HFM1: variants seen among roughly 807,000 people sequenced by gnomAD.
HFM1 encodes the protein helicase for meiosis 1.
HFM1 carries 169 observed loss-of-function variants against 192.1 expected under a neutral mutation model. The ratio of observed to expected loss-of-function variants is 0.88; its 90% CI spans 0.78 to 1.00. The LOEUF is 1.00. Ranked by LOEUF, HFM1 falls within the 50% of genes least tolerant of loss-of-function variation. HFM1 has a pLI of 0.00. For synonymous variants in HFM1, 525 were observed against 537.8 expected (o/e 0.98, Z 0.33); for missense variants, 1,661 against 1,668.0 (o/e 1.00, Z 0.07).
At chr1:91,404,100 AAAG>A (rs1475287998) in intron 1 of HFM1, among the ~76,000 whole-genome samples, 1 of 152,234 alleles carries the variant, frequency 6.6e-6, no homozygotes, top group Non-Finnish European at 1.5e-5. Context: ...AGAATCTGAC[AAAG>A]AAGGAAAAAT....
chr1:91,357,555 A>T (rs1027563043), intron 13 of HFM1, among the ~76,000 whole-genome samples: 3 of 152,222 alleles, frequency 2.0e-5, no homozygotes, highest in Non-Finnish European at 2.9e-5. Flanking sequence ...CAAGGCAGGG[A>T]TGCCCACTCT....
chr1:91,286,891 G>A (rs1226193507), intron 30 of HFM1, among the ~76,000 whole-genome samples: 1 of 152,226 alleles, frequency 6.6e-6, no homozygotes, highest in Non-Finnish European at 1.5e-5. Flanking sequence ...GTCAAAGAAA[G>A]GGGTGACAGA....
chr1:91,264,359 GTATTTT>G (rs1665478081), intron 36 of HFM1, among the ~76,000 whole-genome samples: 4 of 54,042 alleles, frequency 7.4e-5, no homozygotes, highest in African/African-American at 2.4e-4. Context: ...CACAAATTTA[GTATTTT>G]TTTTTTTTTT....
chr1:91,326,728 C>G (rs1301015133), intron 20 of HFM1, among the ~76,000 whole-genome samples: 1 of 152,122 alleles, frequency 6.6e-6, no homozygotes. Context: ...AATATTATAA[C>G]ACTGTAATTG....
At chr1:91,393,047 C>T (rs547144661) in intron 4 of HFM1, among the ~76,000 whole-genome samples, 53 of 151,958 alleles carry the variant, frequency 3.5e-4, no homozygotes, top group Non-Finnish European at 5.7e-4. Flanking sequence ...TGGGTAAATA[C>T]ATAAGAATGA....
intron 30 of HFM1, among the ~76,000 whole-genome samples, chr1:91,290,109 A>C (rs1209313699): frequency 2.0e-5 from 3 of 152,180 alleles, no homozygotes; most frequent in Non-Finnish European, 4.4e-5. Flanking sequence ...CAAAATGTAA[A>C]GACCATCGAG....
intron 30 of HFM1, among the ~76,000 whole-genome samples, chr1:91,309,721 G>T (rs1650160805): frequency 6.6e-6 from 1 of 152,092 alleles, no homozygotes; most frequent in South Asian, 2.1e-4. Context: ...AAGTTTCTCA[G>T]CATGATAGAA....
At chr1:91,313,870 TG>T (rs1231903030) in intron 29 of HFM1, 86 bp downstream of exon 29, 2 of 683,304 alleles carry the variant, frequency 2.9e-6, no homozygotes, top group African/African-American at 3.7e-5. Flanking sequence ...CCATTTATAC[TG>T]TTTTTCTGTA....
At chr1:91,283,338 G>A (rs922017885) in intron 30 of HFM1, among the ~76,000 whole-genome samples, 1 of 152,090 alleles carries the variant, frequency 6.6e-6, no homozygotes, top group African/African-American at 2.4e-5. Flanking sequence ...CAGCCTCCCA[G>A]GCTCAAGTGA....
Position 91,378,120 on chromosome 1 carries a change from T to C in HFM1, c.1300A>G (p.Thr434Ala). ...TLEVVVSRMK[T>A]VQSVSQTLKN... The stretch of plus-strand genomic sequence containing the variant: ...AAAGTCTGAGAAACAGACTGTACAG[T>C]TTTCATTCTGCTAACTACAACTTCA... Residue 434 changes from threonine to alanine, a missense_variant, in exon 11 of 39, where the codon ACT becomes GCT. Transcript: ENST00000370425. 3.1e-6 allele frequency: 5 copies of C among 1,611,356 alleles called. No individual in the cohort carries two copies. Among genetic ancestry groups the C allele is most frequent in the Non-Finnish European group, 4.2e-6 (5 of 1,178,558 alleles).
At chr1:91,271,686 T>C (rs78620761) in intron 34 of HFM1, among the ~76,000 whole-genome samples, 3,503 of 151,864 alleles carry the variant, frequency 0.023, 62 homozygotes, top group Non-Finnish European at 0.035. Context: ...TTAAGACAAA[T>C]AGATGGTTAC....
intron 34 of HFM1, among the ~76,000 whole-genome samples, chr1:91,269,118 G>T (rs536878278): frequency 2.5e-4 from 38 of 152,070 alleles, no homozygotes; most frequent in African/African-American, 7.5e-4. Flanking sequence ...ATCAAACCCA[G>T]ATTGGTAGTA....
chr1:91,375,161 T>C lies in HFM1; in HGVS notation c.1685+197A>G, dbSNP rs115980403. On this transcript the variant is annotated intron_variant, in intron 13 of 38. Transcript: ENST00000370425. ...AATAGATAGTAGTATGGATAATCTT[T>C]ATCATTCAAGAAATCTGGATCACCC... Among the ~76,000 whole-genome samples, 895 of 152,192 alleles carry C rather than the reference T, an allele frequency of 5.9e-3. 1 individual carries two copies. The highest frequency in any genetic ancestry group is 9.9e-3 in the Non-Finnish European group (674 of 67,996).
At chr1:91,322,729 C>T (rs1368022653) in intron 23 of HFM1, among the ~76,000 whole-genome samples, 1 of 152,174 alleles carries the variant, frequency 6.6e-6, no homozygotes, top group East Asian at 1.9e-4. Flanking sequence ...TGTCTTCATT[C>T]AACCGTCCAC....
chr1:91,280,603 T>C (rs1490439962), intron 30 of HFM1, among the ~76,000 whole-genome samples: 5 of 152,248 alleles, frequency 3.3e-5, no homozygotes, highest in African/African-American at 1.2e-4. Flanking sequence ...CCCTCGATCT[T>C]GCAGAAGACT....
At position 91,273,751 on chromosome 1, in the gene HFM1, C is replaced by T. The variant is rs761447688; in HGVS notation, c.3733G>A (p.Gly1245Arg). The T allele has an allele frequency of 6.2e-7, 1 of 1,601,398 alleles. No homozygotes were observed. The highest frequency in any genetic ancestry group is 1.3e-5 in the African/African-American group (1 of 74,702). ...MEQWDQPEIY[G>R]KVRQEPSEYQ... The stretch of plus-strand genomic sequence containing the variant: ...TCAGATGGTTCTTGTCTAACTTTTC[C>T]ATAGATTTCAGGCTGATCCCACTGC... The change falls in exon 34 of 39, where the codon GGA becomes AGA. Residue 1245 changes from glycine (G) to arginine (R), a missense_variant. Physicochemically the swap from Gly to Arg is moderately radical, Grantham distance 125. Transcript: ENST00000370425.
At chr1:91,356,171 T>C (rs1368981087) in intron 13 of HFM1, among the ~76,000 whole-genome samples, 2 of 151,510 alleles carry the variant, frequency 1.3e-5, no homozygotes. Context: ...TTAAAAAATA[T>C]CTTGAGACAA....
In HFM1 at chr1:91,267,810, T is replaced by G; in HGVS notation, c.3818A>C (p.Asp1273Ala). 1 of 1,582,306 alleles carries G rather than the reference T, an allele frequency of 6.3e-7. No homozygotes were observed. The highest frequency in any genetic ancestry group is 8.6e-7 in the Non-Finnish European group (1 of 1,169,176). Residue 1273 changes from aspartate (D) to alanine (A), a missense_variant, in exon 35 of 39, where the codon GAT becomes GCT. Physicochemically the swap from Asp to Ala is moderately radical, Grantham distance 126. Transcript: ENST00000370425. ...NFELGNEVWD[D>A]FDDENLEVTS... ...AACTTCTAAGTTTTCATCATCAAAA[T>G]CATCCCAAACTTCATTTCCCAATTC... is the stretch of plus-strand genomic sequence containing the variant.
intron 23 of HFM1, among the ~76,000 whole-genome samples, chr1:91,320,271 C>T (rs1651895500): frequency 6.6e-6 from 1 of 152,160 alleles, no homozygotes; most frequent in African/African-American, 2.4e-5. Context: ...GCACAAGATA[C>T]ATGAAAATTG....
Sources: gnomAD v4.1 joint callset for allele counts (sites outside exome capture counted in the v4.1 genomes callset) on GRCh38, gnomAD v4.1.1 for gene constraint, MANE v1.5 for transcripts, NCBI Gene and HGNC (gene_info 2026-07-23, HGNC 2026-07-21) for gene names.